OTOA: variants seen among roughly 807,000 people sequenced by gnomAD.
OTOA encodes otoancorin.
Under a neutral mutation model 110.8 loss-of-function variants are expected in OTOA, and 70 were observed. The ratio of observed to expected loss-of-function variants is 0.63; its 90% confidence interval spans 0.52 to 0.77. The LOEUF (loss-of-function observed/expected upper bound fraction) is 0.77. Ranked by LOEUF, OTOA falls within the 30% of genes least tolerant of loss-of-function variation. OTOA has a pLI of 0.00. For synonymous variants in OTOA, 373 were observed against 431.5 expected, an observed-to-expected ratio of 0.86 and a Z score of 1.68; for missense variants, 917 against 1,075.8, an observed-to-expected ratio of 0.85 and a Z score of 2.06.
intron 14 of OTOA, 146 bp from the exon 15 acceptor site, chr16:21,716,761 T>C (rs2141700405): frequency 1.1e-6 from 1 of 905,560 alleles, no homozygotes; most frequent in Non-Finnish European, 1.8e-6. Flanking sequence ...TCCTCACCTG[T>C]GAAATGGGGA....
At chr16:21,680,121 T>G (rs1364102270) in intron 5 of OTOA, among the ~76,000 whole-genome samples, 32 of 152,222 alleles carry the variant, frequency 2.1e-4, no homozygotes, top group Admixed American at 2.1e-3. Flanking sequence ...TTCCCTAAGA[T>G]AACACCAATG....
intron 24 of OTOA, among the ~76,000 whole-genome samples, chr16:21,749,948 G>A (rs1388029732): frequency 7.0e-6 from 1 of 143,524 alleles, no homozygotes; most frequent in Non-Finnish European, 1.5e-5. Flanking sequence ...GCCTCCCAAA[G>A]TGCTGGGATT....
At chr16:21,749,521 G>A (rs1231474483) in intron 24 of OTOA, among the ~76,000 whole-genome samples, 5 of 148,996 alleles carry the variant, frequency 3.4e-5, no homozygotes, top group East Asian at 2.0e-4. Context: ...ACAGTGAGAC[G>A]CTGTCTCAAA....
chr16:21,681,712 C>A (rs200586771), intron 5 of OTOA, 26 bp from the exon 6 acceptor site: 6 of 1,587,212 alleles, frequency 3.8e-6, no homozygotes, highest in East Asian at 2.2e-5. Context: ...TCATTGTGAT[C>A]TTTTCCTGTC....
At chr16:21,674,040 AC>A (rs1257217207) in intron 1 of OTOA, among the ~76,000 whole-genome samples, 1 of 151,478 alleles carries the variant, frequency 6.6e-6, no homozygotes, top group Non-Finnish European at 1.5e-5. Flanking sequence ...CTCGTGATCC[AC>A]CCGCCTCAGC....
At chr16:21,733,299 A>G (rs1301135657) in intron 21 of OTOA, among the ~76,000 whole-genome samples, 1 of 144,462 alleles carries the variant, frequency 6.9e-6, no homozygotes, top group Admixed American at 7.0e-5. Flanking sequence ...ATTGCTTTCT[A>G]AAAGTTAACT....
intron 24 of OTOA, among the ~76,000 whole-genome samples, chr16:21,751,711 A>G (rs458623): frequency 5.6e-4 from 65 of 115,596 alleles, no homozygotes; most frequent in East Asian, 4.3e-3. Flanking sequence ...TAAGAGATTC[A>G]TTGCCTGAAG....
intron 11 of OTOA, among the ~76,000 whole-genome samples, chr16:21,702,531 T>C (rs893173106): frequency 2.6e-5 from 4 of 152,162 alleles, no homozygotes; most frequent in African/African-American, 7.2e-5. Flanking sequence ...AATGGTGTGA[T>C]CTTTGCTATT....
chr16:21,758,999 CACAAACAA>C (rs1203948655), intron 28 of OTOA, among the ~76,000 whole-genome samples: 3 of 151,722 alleles, frequency 2.0e-5, no homozygotes, highest in East Asian at 1.9e-4. Flanking sequence ...AAAACTCCAT[CACAAACAA>C]ACAAACAGCA....
intron 20 of OTOA, among the ~76,000 whole-genome samples, chr16:21,728,921 G>T (rs1261749065): frequency 1.3e-5 from 2 of 152,066 alleles, no homozygotes; most frequent in East Asian, 3.9e-4. Context: ...GGAATCAATA[G>T]TAGCTGCCCT....
chr16:21,704,865 G>A, intron 11 of OTOA: 1 of 767,558 alleles, frequency 1.3e-6, no homozygotes, highest in South Asian at 1.4e-5. Flanking sequence ...GTGATGCTGG[G>A]AGGTGTGATC....
At chr16:21,700,434 T>C (rs531568449) in intron 10 of OTOA, among the ~76,000 whole-genome samples, 1 of 152,150 alleles carries the variant, frequency 6.6e-6, no homozygotes, top group South Asian at 2.1e-4. Context: ...AAGAAATCAA[T>C]GACAATGAGG....
intron 1 of OTOA, among the ~76,000 whole-genome samples, chr16:21,667,720 G>A (rs1240314304): frequency 1.3e-5 from 2 of 152,086 alleles, no homozygotes; most frequent in African/African-American, 2.4e-5. Flanking sequence ...CCTGTCCCAA[G>A]TACTCAACTC....
At chr16:21,675,491 C>A (rs1052794726) in intron 1 of OTOA, among the ~76,000 whole-genome samples, 5 of 151,632 alleles carry the variant, frequency 3.3e-5, no homozygotes, top group African/African-American at 1.2e-4. Flanking sequence ...CCACCCCCTC[C>A]TTTCCTGGGA....
chr16:21,724,679 A>T (rs4783341), intron 18 of OTOA, among the ~76,000 whole-genome samples: 21,531 of 152,088 alleles, frequency 0.14, 2,091 homozygotes, highest in South Asian at 0.28. Flanking sequence ...TCTCAGCTCA[A>T]ATGGAACTGC....
At chr16:21,688,470 T>C (rs868486534) in intron 8 of OTOA, among the ~76,000 whole-genome samples, 2 of 152,152 alleles carry the variant, frequency 1.3e-5, no homozygotes, top group Middle Eastern at 3.4e-3. Flanking sequence ...TGTTACTAAA[T>C]CCTAGCTAGA....
chr16:21,679,164 TC>T lies in OTOA; in HGVS notation c.152-19del. The T allele has an allele frequency of 1.2e-6, 2 of 1,613,956 alleles. No individual in the cohort carries two copies. The highest frequency in any genetic ancestry group is 2.2e-5 in the South Asian group (2 of 91,086). Reference sequence around the variant, plus strand: ...AATGATTCCTTTTAAAGATGTCTTTTCATTTTACTCCCATTGTAGCACTGCT... The same window carrying T: ...AATGATTCCTTTTAAAGATGTCTTTTATTTTACTCCCATTGTAGCACTGCT... On this transcript the variant is annotated intron_variant, in intron 4 of 28. Coordinates refer to ENST00000646100, the MANE Select transcript of OTOA (RefSeq NM_144672.4).
chr16:21,687,321 CT>C, intron 7 of OTOA, 91 bp from the exon 8 acceptor site: 1 of 1,010,390 alleles, frequency 9.9e-7, no homozygotes, highest in Middle Eastern at 2.2e-4. Context: ...GTGATCCTGA[CT>C]TTCCCCACTG....
chr16:21,697,960 C>A, intron 10 of OTOA, 85 bp downstream of exon 10: 3 of 1,209,556 alleles, frequency 2.5e-6, no homozygotes, highest in Non-Finnish European at 3.7e-6. Flanking sequence ...GTTCATCCAG[C>A]CAGTCAAGGT....
Sources: gnomAD v4.1 joint callset for allele counts (sites outside exome capture counted in the v4.1 genomes callset) on GRCh38, gnomAD v4.1.1 for gene constraint, MANE v1.5 for transcripts, NCBI Gene and HGNC (gene_info 2026-07-23, HGNC 2026-07-21) for gene names.